Variants in NREP observed in about 807,000 individuals in gnomAD.
The protein encoded by NREP is neuronal regeneration-related protein.
A neutral mutation model predicts 8.6 loss-of-function variants in NREP; 5 were observed. The observed-to-expected ratio is 0.58, with a 90% CI of 0.30 to 1.22. The LOEUF (loss-of-function observed/expected upper bound fraction) is 1.22. Among genes scored for constraint, NREP ranks in the 50% most tolerant of loss-of-function variants. NREP has a pLI of 0.07. For synonymous variants in NREP, 27 were observed against 28.0 expected (o/e 0.96, Z 0.11); for missense variants, 86 against 82.5 (o/e 1.04, Z -0.17).
At chr5:111,972,595 GT>G (rs1211676785) in intron 2 of NREP, among the ~76,000 whole-genome samples, 1 of 152,208 alleles carries the variant, frequency 6.6e-6, no homozygotes, top group African/African-American at 2.4e-5. Flanking sequence ...TTGTGCACAA[GT>G]CAAAGGGATG....
At chr5:111,909,611 A>C (rs1754860846) in intron 2 of NREP, among the ~76,000 whole-genome samples, 1 of 152,062 alleles carries the variant, frequency 6.6e-6, no homozygotes, top group Non-Finnish European at 1.5e-5. Context: ...TTATGATCTA[A>C]AACCACCAAA....
chr5:111,735,406 C>T (rs1478824724), intron 3 of NREP, 24 bp downstream of exon 3: 4 of 1,516,806 alleles, frequency 2.6e-6, no homozygotes, highest in Non-Finnish European at 3.7e-6. Context: ...ATAGTGTTAA[C>T]AATATGGCAT....
intron 2 of NREP, among the ~76,000 whole-genome samples, chr5:111,763,296 CTT>C (rs1314385909): frequency 2.0e-5 from 3 of 152,152 alleles, no homozygotes; most frequent in African/African-American, 7.2e-5. Context: ...TAGATGTAAA[CTT>C]AGCAAATTGT....
intron 2 of NREP, among the ~76,000 whole-genome samples, chr5:111,933,403 T>G (rs1238843781): frequency 6.6e-6 from 1 of 152,108 alleles, no homozygotes; most frequent in African/African-American, 2.4e-5. Context: ...TAAATGGAAT[T>G]ATGGAATAAT....
intron 2 of NREP, among the ~76,000 whole-genome samples, chr5:111,764,552 G>C (rs1359688117): frequency 2.0e-5 from 3 of 152,132 alleles, no homozygotes; most frequent in Non-Finnish European, 4.4e-5. Context: ...CACGAGAGCA[G>C]CATGGGAAAT....
chr5:111,964,552 T>G (rs183642755), intron 2 of NREP, among the ~76,000 whole-genome samples: 1 of 152,084 alleles, frequency 6.6e-6, no homozygotes, highest in East Asian at 1.9e-4. Flanking sequence ...GTATATTTAG[T>G]AGAGGTGGGG....
intron 2 of NREP, among the ~76,000 whole-genome samples, chr5:111,819,990 T>G (rs984316229): frequency 1.3e-5 from 2 of 152,156 alleles, no homozygotes; most frequent in African/African-American, 4.8e-5. Context: ...TGACAAAGAC[T>G]CTCTCCTTGA....
At chr5:111,896,384 T>C (rs558156952) in intron 2 of NREP, among the ~76,000 whole-genome samples, 1 of 152,306 alleles carries the variant, frequency 6.6e-6, no homozygotes, top group Non-Finnish European at 1.5e-5. Flanking sequence ...ACAATTCTGT[T>C]TCAGGTATGT....
intron 2 of NREP, among the ~76,000 whole-genome samples, chr5:111,889,156 G>C (rs1384662995): frequency 6.6e-6 from 1 of 152,200 alleles, no homozygotes; most frequent in African/African-American, 2.4e-5. Flanking sequence ...TGGTTCTGCA[G>C]GCTGTACAGA....
upstream of NREP, chr5:111,757,410 C>G (rs1750794173): frequency 1.0e-6 from 1 of 981,290 alleles, no homozygotes; most frequent in Non-Finnish European, 1.2e-6. Context: ...GTGTGTGTCT[C>G]TCTCTTTCTC....
intron 2 of NREP, among the ~76,000 whole-genome samples, chr5:111,831,216 G>A (rs1275191444): frequency 1.3e-5 from 2 of 152,152 alleles, no homozygotes; most frequent in East Asian, 1.9e-4. Context: ...CATGGCTACT[G>A]GGTACATCCC....
At chr5:111,742,780 G>A (rs767586857) in intron 2 of NREP, among the ~76,000 whole-genome samples, 3 of 152,032 alleles carry the variant, frequency 2.0e-5, no homozygotes, top group East Asian at 1.9e-4. Flanking sequence ...GTGCAACATC[G>A]TGTTCCTCTC....
intron 2 of NREP, among the ~76,000 whole-genome samples, chr5:111,816,950 G>GA (rs964341651): frequency 2.0e-5 from 3 of 151,818 alleles, no homozygotes; most frequent in Admixed American, 6.6e-5. Flanking sequence ...ATACTAATAA[G>GA]AAAAAAATGT....
At chr5:111,741,315 A>G (rs1218264702) in intron 2 of NREP, among the ~76,000 whole-genome samples, 3 of 152,184 alleles carry the variant, frequency 2.0e-5, no homozygotes, top group Admixed American at 1.3e-4. Flanking sequence ...CTGCCTAACT[A>G]GCCAGGAGGT....
At chr5:111,858,210 C>A (rs535368927) in intron 2 of NREP, among the ~76,000 whole-genome samples, 1 of 152,100 alleles carries the variant, frequency 6.6e-6, no homozygotes, top group Admixed American at 6.6e-5. Flanking sequence ...TTTTAACCAG[C>A]CTCCCAGGTG....
chr5:111,762,928 A>C (rs1750997592), intron 2 of NREP, among the ~76,000 whole-genome samples: 1 of 152,220 alleles, frequency 6.6e-6, no homozygotes, highest in Non-Finnish European at 1.5e-5. Flanking sequence ...AAGAAGTTAT[A>C]CGTCCAGGGC....
intron 2 of NREP, among the ~76,000 whole-genome samples, chr5:111,771,426 T>TACACACACACAC (rs111799670): frequency 3.4e-5 from 5 of 147,200 alleles, no homozygotes; most frequent in East Asian, 2.0e-4. Flanking sequence ...CATAGTCTTT[T>TACACACACACAC]ACACACACAC....
At chr5:111,910,561 T>A (rs1445410931) in intron 2 of NREP, among the ~76,000 whole-genome samples, 2 of 152,002 alleles carry the variant, frequency 1.3e-5, no homozygotes, top group East Asian at 1.9e-4. Flanking sequence ...TGTATGTAAA[T>A]ATAAGATTCA....
At chr5:111,926,892 A>C (rs1243375868) in intron 2 of NREP, among the ~76,000 whole-genome samples, 8 of 151,154 alleles carry the variant, frequency 5.3e-5, no homozygotes, top group African/African-American at 1.9e-4. Context: ...CCACTCCTCT[A>C]GGTCCTCCAT....
Sources: allele counts gnomAD v4.1 joint callset (sites outside exome capture counted in the v4.1 genomes callset), GRCh38; gene constraint gnomAD v4.1.1; transcripts MANE v1.5; gene names NCBI Gene and HGNC (gene_info 2026-07-23, HGNC 2026-07-21).